The following IL1RAPL1 variants were observed in gnomAD, a reference collection of about 807,000 sequenced individuals.
IL1RAPL1 encodes the protein interleukin-1 receptor accessory protein-like 1.
IL1RAPL1 carries 3 observed loss-of-function variants against 48.4 expected under a neutral mutation model. The observed-to-expected ratio is 0.06, with a 90% confidence interval of 0.03 to 0.16. IL1RAPL1 has a LOEUF of 0.16. IL1RAPL1 is among the 10% of genes least tolerant of loss of function. The pLI, the probability that IL1RAPL1 is intolerant of heterozygous loss-of-function variation, is 1.00. For synonymous variants in IL1RAPL1, 185 were observed against 187.7 expected (o/e 0.99, Z 0.12); for missense variants, 349 against 530.6 (o/e 0.66, Z 3.36).
intron 2 of IL1RAPL1, among the ~76,000 whole-genome samples, chrX:28,964,738 C>T (rs767939093): frequency 4.5e-5 from 5 of 111,508 alleles, no homozygotes; most frequent in Admixed American, 9.6e-5. Context: ...CTTGGCATCT[C>T]AAAATGTTCT....
At position 29,269,931 on chromosome X, in the gene IL1RAPL1, C is replaced by T. The variant is rs375416930; in HGVS notation, c.83-13007C>T. Among the ~76,000 whole-genome samples, 88 of 111,138 alleles carry T rather than the reference C, an allele frequency of 7.9e-4. No homozygotes were observed. In the South Asian group the frequency reaches 0.031, roughly 39 times the overall value. On this transcript the variant is annotated intron_variant, in intron 2 of 10. Transcript: ENST00000378993. ...GCCTTTTGTAATGCTCTCTCCCTTT[C>T]GTCACTATCCCAGACAATCACTGAC... is the stretch of plus-strand genomic sequence containing the variant.
intron 6 of IL1RAPL1, among the ~76,000 whole-genome samples, chrX:29,757,990 A>G (rs1027046520): frequency 2.7e-5 from 3 of 112,050 alleles, no homozygotes; most frequent in African/African-American, 3.2e-5. Context: ...AAAAAATTCA[A>G]TCAATCATTT....
intron 2 of IL1RAPL1, among the ~76,000 whole-genome samples, chrX:29,193,990 T>C (rs1324094764): frequency 8.9e-6 from 1 of 112,070 alleles, no homozygotes; most frequent in Non-Finnish European, 1.9e-5. Flanking sequence ...TTTTAGAGTT[T>C]CTTCCATTTA....
In IL1RAPL1 at chrX:29,580,989, C is replaced by G. The variant is rs895943995; in HGVS notation, c.704-87441C>G. 1.1e-4 allele frequency among the ~76,000 whole-genome samples: 12 copies of G among 111,938 alleles called. 1 individual carries two copies. The highest frequency in any genetic ancestry group is 5.7e-4 in the Admixed American group (6 of 10,508). ...ACTTTATATTGTGGAAATAAAATAT[C>G]TTACATCTCAATGTAGTCTAAAATA... On this transcript the variant is annotated intron_variant, in intron 5 of 10. Transcript: ENST00000378993.
At position 29,766,391 on chromosome X, in the gene IL1RAPL1, T is replaced by A. The variant is rs779223650; in HGVS notation, c.778+97887T>A. Among the ~76,000 whole-genome samples the A allele has an allele frequency of 3.8e-4, 36 of 95,138 alleles. No individual in the cohort carries two copies. The East Asian group carries it at 8.8e-3, about 23-fold the overall frequency. 82.6% of individuals were successfully genotyped at this position (95,138 alleles called of 115,157 possible). A position where few individuals can be genotyped will look rare whatever the true frequency, so the allele number is the denominator to read the frequency against. On this transcript the variant is annotated intron_variant, in intron 6 of 10. Coordinates refer to ENST00000378993, the MANE Select transcript of IL1RAPL1 (RefSeq NM_014271.4). The stretch of plus-strand genomic sequence containing the variant: ...TAGATAGATAGATAGATAGATATTT[T>A]TATATATATATCCAAATATATATAT...
chrX:28,640,574 C>T (rs998063504), intron 1 of IL1RAPL1, among the ~76,000 whole-genome samples: 1 of 109,469 alleles, frequency 9.1e-6, no homozygotes, highest in Non-Finnish European at 1.9e-5. Flanking sequence ...TGGTCTCAAA[C>T]TCCTGACCTC....
chrX:29,018,507 C>T (rs941405293), intron 2 of IL1RAPL1, among the ~76,000 whole-genome samples: 2 of 111,561 alleles, frequency 1.8e-5, no homozygotes, highest in African/African-American at 6.5e-5. Flanking sequence ...AGGATTGGGT[C>T]TTAAAGGACA....
At chrX:29,555,481 T>C (rs1050288113) in intron 5 of IL1RAPL1, among the ~76,000 whole-genome samples, 8 of 112,144 alleles carry the variant, frequency 7.1e-5, no homozygotes, top group Admixed American at 9.4e-5. Flanking sequence ...TCAGGTTTTG[T>C]CTCAATTCCT....
intron 3 of IL1RAPL1, among the ~76,000 whole-genome samples, chrX:29,367,453 A>G (rs1425950334): frequency 8.9e-6 from 1 of 112,026 alleles, no homozygotes; most frequent in Non-Finnish European, 1.9e-5. Flanking sequence ...ACAATTACTG[A>G]AGAATGAAAA....
chrX:29,136,617 C>T (rs1929134139), intron 2 of IL1RAPL1, among the ~76,000 whole-genome samples: 1 of 111,364 alleles, frequency 9.0e-6, no homozygotes, highest in Non-Finnish European at 1.9e-5. Context: ...CCACCTTAGC[C>T]TCCCAAAGTG....
intron 1 of IL1RAPL1, among the ~76,000 whole-genome samples, chrX:28,765,439 T>A (rs1936224699): frequency 9.0e-6 from 1 of 111,336 alleles, no homozygotes; most frequent in South Asian, 3.7e-4. Context: ...ATCATATAAA[T>A]TATGTTGGAT....
Position 29,346,372 on chromosome X carries a change from G to A in IL1RAPL1, c.363-49886G>A, listed in dbSNP as rs1017577714. ...GTCCAACTCACTTGTCATCAGTGTA[G>A]GAGTGCCTGTGGAGGCAGGTAGAGT... On this transcript the variant is annotated intron_variant, in intron 3 of 10. Coordinates refer to ENST00000378993, the MANE Select transcript of IL1RAPL1 (RefSeq NM_014271.4). Among the ~76,000 whole-genome samples, 9 of 112,431 alleles carry A rather than the reference G, an allele frequency of 8.0e-5. No individual in the cohort carries two copies. In the Admixed American group the frequency reaches 8.5e-4, roughly 11 times the overall value.
At chrX:28,630,995 C>T (rs755790183) in intron 1 of IL1RAPL1, among the ~76,000 whole-genome samples, 27 of 111,894 alleles carry the variant, frequency 2.4e-4, no homozygotes, top group African/African-American at 8.8e-4. Flanking sequence ...TAAGACAAGG[C>T]TTTAGATGCA....
chrX:28,678,923 C>G (rs917783631), intron 1 of IL1RAPL1, among the ~76,000 whole-genome samples: 1 of 111,971 alleles, frequency 8.9e-6, no homozygotes, highest in African/African-American at 3.2e-5. Context: ...TTTCCAGAAC[C>G]AAATTTCATT....
chrX:29,889,608 T>C (rs891142657), intron 6 of IL1RAPL1, among the ~76,000 whole-genome samples: 1 of 111,996 alleles, frequency 8.9e-6, no homozygotes, highest in Non-Finnish European at 1.9e-5. Context: ...TTAGAAGATA[T>C]ATGTGTATGT....
At chrX:29,548,544 A>G (rs968349212) in intron 5 of IL1RAPL1, among the ~76,000 whole-genome samples, 2 of 112,234 alleles carry the variant, frequency 1.8e-5, no homozygotes, top group Non-Finnish European at 3.8e-5. Context: ...GAACATTTCT[A>G]TAACTAATAT....
chrX:29,138,095 T>C (rs758134971), intron 2 of IL1RAPL1, among the ~76,000 whole-genome samples: 5 of 112,608 alleles, frequency 4.4e-5, no homozygotes, highest in African/African-American at 1.3e-4. Context: ...CTTCCATGCC[T>C]TATTTCATTA....
At chrX:28,645,347 C>CA (rs35814453) in intron 1 of IL1RAPL1, among the ~76,000 whole-genome samples, 11,038 of 28,967 alleles carry the variant, frequency 0.38, 2,654 homozygotes, top group Non-Finnish European at 0.45. Flanking sequence ...AATTCCGCCT[C>CA]AAAAAAAAAA....
chrX:29,458,034 C>T (rs1934759919), intron 5 of IL1RAPL1, among the ~76,000 whole-genome samples: 1 of 112,067 alleles, frequency 8.9e-6, no homozygotes, highest in Non-Finnish European at 1.9e-5. Flanking sequence ...CCTGCCTCAG[C>T]CTCCCCAAAG....
Sources: allele counts gnomAD v4.1 joint callset (sites outside exome capture counted in the v4.1 genomes callset), GRCh38; gene constraint gnomAD v4.1.1; transcripts MANE v1.5; gene names NCBI Gene and HGNC (gene_info 2026-07-23, HGNC 2026-07-21).